Variants in SRGAP3 observed in about 807,000 individuals in gnomAD.
The protein encoded by SRGAP3 is SLIT-ROBO Rho GTPase activating protein 3, also known as SLIT-ROBO Rho GTPase-activating protein 3.
A neutral mutation model predicts 121.1 loss-of-function variants in SRGAP3; 39 were observed. That is an observed-to-expected ratio of 0.32 (90% confidence interval 0.25 to 0.42). The LOEUF (loss-of-function observed/expected upper bound fraction) is 0.42, where lower values mean the gene tolerates loss of function less well. Among genes scored for constraint, SRGAP3 ranks in the 10% least tolerant of loss-of-function variants. SRGAP3 has a pLI of 1.00. For synonymous variants in SRGAP3, 601 were observed against 570.0 expected, an observed-to-expected ratio of 1.05 and a Z score of -0.77; for missense variants, 1,213 against 1,470.6, an observed-to-expected ratio of 0.82 and a Z score of 2.86.
At chr3:9,017,758 G>A (rs1032881429) in intron 14 of SRGAP3, among the ~76,000 whole-genome samples, 1 of 152,098 alleles carries the variant, frequency 6.6e-6, no homozygotes, top group Non-Finnish European at 1.5e-5. Context: ...AATATTTATG[G>A]TGTACATGTA....
At chr3:9,248,751 C>T in intron 1 of SRGAP3, 134 bp downstream of exon 1, 1 of 947,368 alleles carries the variant, frequency 1.1e-6, no homozygotes, top group Non-Finnish European at 1.7e-6. Flanking sequence ...ACTGTTACTC[C>T]TCACAAAAAG....
chr3:9,277,285 G>A (rs532054129), intron 3 of SRGAP3, among the ~76,000 whole-genome samples: 26 of 152,166 alleles, frequency 1.7e-4, no homozygotes, highest in Middle Eastern at 3.4e-3. Flanking sequence ...ATTTGCCCAC[G>A]GTTACTGCTA....
chr3:9,235,006 GTGAGGGAAGTTCT>G (rs1304615822), intron 1 of SRGAP3, among the ~76,000 whole-genome samples: 4 of 152,278 alleles, frequency 2.6e-5, no homozygotes, highest in Non-Finnish European at 5.9e-5. Flanking sequence ...AAATGTGGCA[GTGAGGGAAGTTCT>G]TGATGAGTTA....
chr3:9,152,675 A>G (rs75661724), intron 1 of SRGAP3, among the ~76,000 whole-genome samples: 3,954 of 152,300 alleles, frequency 0.026, 189 homozygotes, highest in African/African-American at 0.09. Flanking sequence ...GAGAGGCCGA[A>G]CTTTGTTCTC....
intron 8 of SRGAP3, among the ~76,000 whole-genome samples, chr3:9,054,807 C>T (rs191895838): frequency 2.6e-5 from 4 of 152,326 alleles, no homozygotes; most frequent in African/African-American, 9.6e-5. Context: ...ATATCTAGAA[C>T]AATGTTTGGC....
intron 3 of SRGAP3, among the ~76,000 whole-genome samples, chr3:9,261,392 C>G (rs1163059672): frequency 1.3e-5 from 2 of 152,006 alleles, no homozygotes; most frequent in African/African-American, 4.8e-5. Flanking sequence ...TGGGTAATAA[C>G]AAACTCCTCT....
chr3:9,329,691 A>C (rs1575009385), intron 2 of SRGAP3, among the ~76,000 whole-genome samples: 1 of 152,224 alleles, frequency 6.6e-6, no homozygotes, highest in East Asian at 1.9e-4. Context: ...CATTCGTTTC[A>C]GCAACACTGA....
chr3:9,086,323 G>A (rs935710641), intron 3 of SRGAP3, among the ~76,000 whole-genome samples: 2 of 151,962 alleles, frequency 1.3e-5, no homozygotes, highest in Non-Finnish European at 2.9e-5. Flanking sequence ...CCCAGGATTC[G>A]AGACCAGCCT....
chr3:9,084,753 T>C (rs2125278745), intron 3 of SRGAP3, among the ~76,000 whole-genome samples: 1 of 152,290 alleles, frequency 6.6e-6, no homozygotes, highest in East Asian at 1.9e-4. Flanking sequence ...AGCTCTTGTG[T>C]CTTTGAGTTT....
At chr3:9,048,525 T>C (rs77551086) in intron 9 of SRGAP3, among the ~76,000 whole-genome samples, 9,855 of 152,014 alleles carry the variant, frequency 0.065, 379 homozygotes, top group Middle Eastern at 0.1. Context: ...ATGCTACGGA[T>C]AAAAAGAAAG....
At chr3:9,287,011 G>GTTTTCT (rs1559260726) in intron 3 of SRGAP3, among the ~76,000 whole-genome samples, 1 of 117,288 alleles carries the variant, frequency 8.5e-6, no homozygotes, top group Non-Finnish European at 1.6e-5. Context: ...TTTTTTTTTG[G>GTTTTCT]GACAGGGTCT....
chr3:9,025,236 C>T, intron 14 of SRGAP3, 25 bp downstream of exon 14: 1 of 1,613,574 alleles, frequency 6.2e-7, no homozygotes, highest in East Asian at 2.2e-5. Context: ...TGGCCACAAG[C>T]CTAAGATGGT....
chr3:9,240,330 TG>T (rs1953580379), intron 1 of SRGAP3, among the ~76,000 whole-genome samples: 1 of 152,172 alleles, frequency 6.6e-6, no homozygotes, highest in Non-Finnish European at 1.5e-5. Flanking sequence ...GACAGCTTCC[TG>T]GGCCCTGTAT....
intron 3 of SRGAP3, among the ~76,000 whole-genome samples, chr3:9,306,589 G>T (rs889656381): frequency 6.6e-6 from 1 of 152,122 alleles, no homozygotes; most frequent in African/African-American, 2.4e-5. Context: ...ATTAATTTTT[G>T]TATAAGGTGT....
intron 1 of SRGAP3, among the ~76,000 whole-genome samples, chr3:9,208,494 G>A (rs777642152): frequency 2.0e-5 from 3 of 152,212 alleles, no homozygotes; most frequent in Non-Finnish European, 2.9e-5. Context: ...TTCACTCCCC[G>A]GACTCTGTTG....
intron 1 of SRGAP3, among the ~76,000 whole-genome samples, chr3:9,342,792 T>G (rs1485066986): frequency 1.3e-5 from 2 of 152,236 alleles, no homozygotes; most frequent in Non-Finnish European, 2.9e-5. Flanking sequence ...CCCTTGAACT[T>G]TGGTTACAAC....
At chr3:9,340,003 G>A (rs1446796667) in intron 1 of SRGAP3, among the ~76,000 whole-genome samples, 1 of 152,104 alleles carries the variant, frequency 6.6e-6, no homozygotes, top group Non-Finnish European at 1.5e-5. Flanking sequence ...TTATAGAAAT[G>A]AATATAGGGC....
intron 8 of SRGAP3, among the ~76,000 whole-genome samples, chr3:9,054,323 T>A (rs1185695786): frequency 6.6e-6 from 1 of 152,258 alleles, no homozygotes; most frequent in African/African-American, 2.4e-5. Context: ...GCCTATCCTC[T>A]GAAGCCTACA....
In SRGAP3 at chr3:9,162,295, T is replaced by A. The variant is rs376525315; in HGVS notation, c.68-37378A>T. ...TAAAAATGGTTAAAATGCCAAATTT[T>A]ATGTTATGTCTATTTTGCCACAATT... On this transcript the variant is annotated intron_variant, in intron 1 of 21. Transcript: ENST00000383836. Among the ~76,000 whole-genome samples, 7 of 152,316 alleles carry A rather than the reference T, an allele frequency of 4.6e-5. No individual in the cohort carries two copies. The East Asian group carries it at 1.2e-3, about 25-fold the overall frequency.
Sources: allele counts gnomAD v4.1 joint callset (sites outside exome capture counted in the v4.1 genomes callset), GRCh38; gene constraint gnomAD v4.1.1; transcripts MANE v1.5; gene names NCBI Gene and HGNC (gene_info 2026-07-23, HGNC 2026-07-21).